RANBP2: variants seen among roughly 807,000 people sequenced by gnomAD.
The protein encoded by RANBP2 is E3 SUMO-protein ligase RanBP2.
Under a neutral mutation model 303.6 loss-of-function variants are expected in RANBP2, and 57 were observed. The ratio of observed to expected loss-of-function variants is 0.19; its 90% CI spans 0.15 to 0.23. The LOEUF is 0.23. RANBP2 is among the 10% of genes least tolerant of loss of function. The pLI is 1.00. For synonymous variants in RANBP2, 1,167 were observed against 1,301.5 expected (o/e 0.90, Z 2.23); for missense variants, 3,138 against 3,780.8 (o/e 0.83, Z 4.46).
downstream of RANBP2, chr2:108,789,094 G>A: frequency 1.3e-6 from 1 of 774,370 alleles, no homozygotes; most frequent in Non-Finnish European, 2.0e-6. Context: ...AAGGCAGTCT[G>A]GAGCCTGCTA....
the RANBP2 span, among the ~76,000 whole-genome samples, chr2:109,626,934 G>A: frequency 6.6e-6 from 1 of 152,140 alleles, no homozygotes; most frequent in Non-Finnish European, 1.5e-5. Context: ...TGCTGGAGTG[G>A]GCTACGGCTG....
At chr2:109,610,072 G>C in the RANBP2 span, among the ~76,000 whole-genome samples, 11 of 150,696 alleles carry the variant, frequency 7.3e-5, no homozygotes, top group Non-Finnish European at 1.3e-4. Context: ...TTCCTTAAGC[G>C]AGACACTAAA....
chr2:109,575,570 T>C, the RANBP2 span, among the ~76,000 whole-genome samples: 1 of 152,244 alleles, frequency 6.6e-6, no homozygotes, highest in African/African-American at 2.4e-5. Flanking sequence ...TGCAGAGCAG[T>C]GTGCTAATGC....
the RANBP2 span, among the ~76,000 whole-genome samples, chr2:109,027,668 G>A: frequency 2.5e-4 from 37 of 149,244 alleles, no homozygotes; most frequent in Non-Finnish European, 3.9e-4. Flanking sequence ...GCAGTGCTGC[G>A]TAAGCGTCGT....
At chr2:108,856,757 G>T in the RANBP2 span, 1 of 1,587,416 alleles carries the variant, frequency 6.3e-7, no homozygotes, top group Non-Finnish European at 8.5e-7. Context: ...ACCTAGACTA[G>T]CAAAACTGCA....
the RANBP2 span, among the ~76,000 whole-genome samples, chr2:109,555,449 C>A: frequency 1.3e-5 from 2 of 152,290 alleles, no homozygotes; most frequent in South Asian, 2.1e-4. Context: ...GTAACTTCTT[C>A]TGTAAAGTCT....
At chr2:109,304,873 G>A in the RANBP2 span, among the ~76,000 whole-genome samples, 2 of 152,176 alleles carry the variant, frequency 1.3e-5, no homozygotes, top group Non-Finnish European at 2.9e-5. Flanking sequence ...AGCCACCTTA[G>A]AAGACATGGG....
the RANBP2 span, among the ~76,000 whole-genome samples, chr2:109,324,736 A>C: frequency 6.6e-6 from 1 of 152,212 alleles, no homozygotes. Flanking sequence ...GAATTGCTGC[A>C]TAAGCGCCAA....
the RANBP2 span, among the ~76,000 whole-genome samples, chr2:109,306,383 G>A: frequency 6.6e-6 from 1 of 152,238 alleles, no homozygotes; most frequent in Non-Finnish European, 1.5e-5. Context: ...CAGAGTGCTT[G>A]GAGATTCCTC....
the RANBP2 span, among the ~76,000 whole-genome samples, chr2:109,586,040 C>T: frequency 6.6e-6 from 1 of 152,094 alleles, no homozygotes; most frequent in Non-Finnish European, 1.5e-5. Flanking sequence ...CATTTCTTAT[C>T]CCCTTCATAC....
the RANBP2 span, among the ~76,000 whole-genome samples, chr2:109,469,700 G>A: frequency 6.6e-6 from 1 of 152,162 alleles, no homozygotes; most frequent in African/African-American, 2.4e-5. Context: ...CAAGCAAATA[G>A]TAATAAGTCT....
the RANBP2 span, among the ~76,000 whole-genome samples, chr2:108,951,958 G>A: frequency 1.3e-5 from 2 of 152,220 alleles, no homozygotes; most frequent in Admixed American, 6.5e-5. Context: ...TCTAATAAGA[G>A]GGCTTAGATC....
chr2:109,065,858 A>G, the RANBP2 span, among the ~76,000 whole-genome samples: 147,761 of 152,294 alleles, frequency 0.97, 71,795 homozygotes, highest in Non-Finnish European at 1. Flanking sequence ...GGCAGAGGCA[A>G]CAAAGTGAGG....
the RANBP2 span, among the ~76,000 whole-genome samples, chr2:109,237,027 G>A: frequency 3.9e-5 from 6 of 152,252 alleles, no homozygotes; most frequent in South Asian, 2.1e-4. Flanking sequence ...AGGTAGAGAA[G>A]CCAACACAAA....
chr2:109,479,492 C>T, the RANBP2 span, among the ~76,000 whole-genome samples: 4 of 152,026 alleles, frequency 2.6e-5, no homozygotes, highest in Non-Finnish European at 2.9e-5. Context: ...TAATTAAGTG[C>T]GAAAATAAGT....
the RANBP2 span, among the ~76,000 whole-genome samples, chr2:109,041,271 G>A: frequency 6.6e-6 from 1 of 152,042 alleles, no homozygotes. Flanking sequence ...GATAATGGTA[G>A]TTTCTTCCCC....
chr2:109,394,910 G>A, the RANBP2 span, among the ~76,000 whole-genome samples: 5 of 152,244 alleles, frequency 3.3e-5, no homozygotes, highest in African/African-American at 1.2e-4. Flanking sequence ...CCTAATGGGT[G>A]CACGGGAGCC....
At chr2:109,003,623 CT>C in the RANBP2 span, among the ~76,000 whole-genome samples, 1 of 151,990 alleles carries the variant, frequency 6.6e-6, no homozygotes, top group East Asian at 1.9e-4. Flanking sequence ...GTTGCTCAGG[CT>C]GGTCTTGAAC....
the RANBP2 span, among the ~76,000 whole-genome samples, chr2:109,483,977 A>G: frequency 2.3e-3 from 343 of 150,902 alleles, no homozygotes; most frequent in Non-Finnish European, 4.0e-3. Flanking sequence ...CCTCTATCTC[A>G]GCTCCTTGGA....
Sources: gnomAD v4.1 joint callset for allele counts (sites outside exome capture counted in the v4.1 genomes callset) on GRCh38, gnomAD v4.1.1 for gene constraint, MANE v1.5 for transcripts, NCBI Gene and HGNC (gene_info 2026-07-23, HGNC 2026-07-21) for gene names.